Variants in SYN3 observed in about 807,000 individuals in gnomAD.
SYN3 encodes synapsin III, also known as synapsin-3.
A neutral mutation model predicts 65.8 loss-of-function variants in SYN3; 35 were observed. That is an observed-to-expected ratio of 0.53 (90% CI 0.41 to 0.70). The LOEUF (loss-of-function observed/expected upper bound fraction) is 0.70, where lower values mean the gene tolerates loss of function less well. Ranked by LOEUF, SYN3 falls within the 30% of genes least tolerant of loss-of-function variation. The pLI is 0.00. For synonymous variants in SYN3, 270 were observed against 292.9 expected, an observed-to-expected ratio of 0.92 and a Z score of 0.80; for missense variants, 680 against 749.0, an observed-to-expected ratio of 0.91 and a Z score of 1.08.
intron 4 of SYN3, among the ~76,000 whole-genome samples, chr22:32,889,420 A>G (rs1342864917): frequency 7.5e-4 from 1 of 1,326 alleles, no homozygotes; most frequent in East Asian, 0.045. Flanking sequence ...TCCACAAGGA[A>G]AAAAAAAAAA....
In SYN3 at chr22:33,006,752, T is replaced by C; in HGVS notation, c.-90A>G. 1.5e-6 allele frequency: 2 copies of C among 1,360,404 alleles called. No individual in the cohort carries two copies. The highest frequency in any genetic ancestry group is 2.0e-6 in the Non-Finnish European group (2 of 998,662). 84.3% of individuals were successfully genotyped at this position (1,360,404 alleles called of 1,614,324 possible). ...GGCTGCTGCCAGGTACAGGGAGTGG[T>C]AGGACTTTAGCCAGAAGAGCCAGGG... On this transcript the variant is annotated 5_prime_UTR_variant, in exon 2 of 14. Transcript: ENST00000358763.
At chr22:32,913,936 T>C (rs2050124542) in intron 4 of SYN3, among the ~76,000 whole-genome samples, 1 of 152,246 alleles carries the variant, frequency 6.6e-6, no homozygotes, top group Non-Finnish European at 1.5e-5. Flanking sequence ...GTTTTGTGCT[T>C]TGATGAAAAT....
intron 6 of SYN3, among the ~76,000 whole-genome samples, chr22:32,791,206 T>A (rs933711527): frequency 6.6e-6 from 1 of 152,230 alleles, no homozygotes. Context: ...ACCTGGCACA[T>A]AGCAGCGCTC....
chr22:32,531,932 A>C (rs1279315705), intron 10 of SYN3, among the ~76,000 whole-genome samples: 1 of 150,260 alleles, frequency 6.7e-6, no homozygotes, highest in Non-Finnish European at 1.5e-5. Context: ...TTAATGTGAA[A>C]GGTCTTTCAT....
intron 1 of SYN3, among the ~76,000 whole-genome samples, 194 bp downstream of exon 1, chr22:33,058,098 T>C (rs2054282991): frequency 6.6e-6 from 1 of 152,008 alleles, no homozygotes. Flanking sequence ...AGCGGCAGCC[T>C]GGGGAGACAC....
chr22:32,724,759 A>C (rs1000805945), intron 6 of SYN3, among the ~76,000 whole-genome samples: 13 of 152,296 alleles, frequency 8.5e-5, no homozygotes, highest in Admixed American at 2.0e-4. Context: ...GAAGGATGCC[A>C]TTAGGACTCT....
chr22:32,905,341 C>A (rs1035760607), intron 4 of SYN3, among the ~76,000 whole-genome samples: 1 of 152,164 alleles, frequency 6.6e-6, no homozygotes, highest in African/African-American at 2.4e-5. Context: ...ACTGAGCCTG[C>A]AATCTAGGTG....
intron 1 of SYN3, among the ~76,000 whole-genome samples, chr22:33,027,903 C>T (rs965140727): frequency 3.9e-5 from 6 of 152,176 alleles, no homozygotes; most frequent in East Asian, 3.8e-4. Flanking sequence ...TTTTATTGAA[C>T]GTTGGTTCAT....
At chr22:32,577,193 C>G (rs886435500) in intron 7 of SYN3, among the ~76,000 whole-genome samples, 1 of 152,196 alleles carries the variant, frequency 6.6e-6, no homozygotes, top group Admixed American at 6.5e-5. Flanking sequence ...TGCTTCCCCC[C>G]ATTCTGAGCA....
chr22:32,818,000 A>G (rs2047132629), intron 6 of SYN3, among the ~76,000 whole-genome samples: 1 of 152,234 alleles, frequency 6.6e-6, no homozygotes, highest in Non-Finnish European at 1.5e-5. Flanking sequence ...CTATGCATAC[A>G]AATTTCAAGA....
chr22:32,818,752 A>G (rs192178734), intron 6 of SYN3, among the ~76,000 whole-genome samples: 1 of 152,272 alleles, frequency 6.6e-6, no homozygotes. Context: ...GGAAAGTCTC[A>G]GGATAAAACT....
At position 32,509,997 on chromosome 22, in the gene SYN3, G is replaced by A. The variant is rs1568987051; in HGVS notation, c.*3695C>T. On this transcript the variant is annotated 3_prime_UTR_variant, in exon 14 of 14. Coordinates refer to ENST00000358763, the MANE Select transcript of SYN3 (RefSeq NM_003490.4). Reference sequence around the variant, plus strand: ...GAGCTTGGAAGGAGGTTCTGCGGCTGTTGTACACAGATACTGGAGTATCTG... The same window carrying A: ...GAGCTTGGAAGGAGGTTCTGCGGCTATTGTACACAGATACTGGAGTATCTG... Among the ~76,000 whole-genome samples, 1 of 152,180 alleles carries A rather than the reference G, an allele frequency of 6.6e-6. No homozygotes were observed. The highest frequency in any genetic ancestry group is 1.5e-5 in the Non-Finnish European group (1 of 68,034).
At position 32,711,222 on chromosome 22, in the gene SYN3, T is replaced by C. The variant is rs570463904; in HGVS notation, c.712-114486A>G. Among the ~76,000 whole-genome samples, 19 of 152,278 alleles carry C rather than the reference T, an allele frequency of 1.2e-4. No homozygotes were observed. The South Asian group carries it at 3.9e-3, about 32-fold the overall frequency. On this transcript the variant is annotated intron_variant, in intron 6 of 13. Transcript: ENST00000358763. The stretch of plus-strand genomic sequence containing the variant: ...GCCAGGATTTTTTGAGTGCACATGC[T>C]CCAGTGCTGAGTTTTGCCTCAACTG...
intron 7 of SYN3, among the ~76,000 whole-genome samples, chr22:32,560,028 G>A (rs1451979943): frequency 1.3e-5 from 2 of 152,198 alleles, no homozygotes; most frequent in Non-Finnish European, 2.9e-5. Flanking sequence ...GTGAGCATGC[G>A]CACAACTTCA....
intron 6 of SYN3, among the ~76,000 whole-genome samples, chr22:32,847,989 A>G (rs952147733): frequency 6.6e-6 from 1 of 152,048 alleles, no homozygotes; most frequent in African/African-American, 2.4e-5. Context: ...TTATTAGACG[A>G]TTTTTTTCTT....
chr22:32,933,634 T>C (rs1169769381), intron 3 of SYN3, among the ~76,000 whole-genome samples: 2 of 152,136 alleles, frequency 1.3e-5, no homozygotes, highest in African/African-American at 4.8e-5. Flanking sequence ...GAAAGGGGGT[T>C]TCACCATGTT....
chr22:32,810,050 A>C (rs1423984733), intron 6 of SYN3, among the ~76,000 whole-genome samples: 1 of 152,190 alleles, frequency 6.6e-6, no homozygotes, highest in African/African-American at 2.4e-5. Context: ...ATGGGTTCAG[A>C]TATTTTCCTA....
At chr22:32,526,317 G>C (rs1467251383) in intron 12 of SYN3, among the ~76,000 whole-genome samples, 1 of 151,932 alleles carries the variant, frequency 6.6e-6, no homozygotes, top group East Asian at 1.9e-4. Flanking sequence ...AATATCTCCT[G>C]CTTTTCCAGA....
intron 2 of SYN3, among the ~76,000 whole-genome samples, chr22:32,992,461 G>C (rs978922202): frequency 6.6e-6 from 1 of 152,154 alleles, no homozygotes; most frequent in Non-Finnish European, 1.5e-5. Context: ...AGGTGGGAGC[G>C]TCATGAAACA....
Sources: allele counts gnomAD v4.1 joint callset (sites outside exome capture counted in the v4.1 genomes callset), GRCh38; gene constraint gnomAD v4.1.1; transcripts MANE v1.5; gene names NCBI Gene and HGNC (gene_info 2026-07-23, HGNC 2026-07-21).